The following MYLK4 variants were observed in gnomAD, a reference collection of about 807,000 sequenced individuals.
MYLK4 encodes the protein caMLCK like.
In MYLK4, 46 loss-of-function variants were observed where a neutral mutation model predicts 48.1. The ratio of observed to expected loss-of-function variants is 0.96; its 90% CI spans 0.75 to 1.22. The LOEUF (loss-of-function observed/expected upper bound fraction) is 1.22, where lower values mean the gene tolerates loss of function less well. Among genes scored for constraint, MYLK4 ranks in the 50% most tolerant of loss-of-function variants. MYLK4 has a pLI of 0.00. For missense variants in MYLK4, 451 were observed against 486.1 expected, an observed-to-expected ratio of 0.93 and a Z score of 0.68; for synonymous variants, 170 against 180.8, an observed-to-expected ratio of 0.94 and a Z score of 0.48.
At chr6:2,684,830 C>A (rs1359429840) in intron 6 of MYLK4, among the ~76,000 whole-genome samples, 1 of 152,170 alleles carries the variant, frequency 6.6e-6, no homozygotes, top group Non-Finnish European at 1.5e-5. Context: ...ATCCTGGGAC[C>A]AATCCCTCTC....
intron 2 of MYLK4, among the ~76,000 whole-genome samples, chr6:2,725,099 C>T (rs150593445): frequency 0.033 from 4,955 of 152,134 alleles, 267 homozygotes; most frequent in African/African-American, 0.11. Context: ...GGCAGTGAGC[C>T]GAGATAGCCC....
At chr6:2,706,249 G>C (rs987183639) in intron 2 of MYLK4, among the ~76,000 whole-genome samples, 1 of 152,130 alleles carries the variant, frequency 6.6e-6, no homozygotes, top group Non-Finnish European at 1.5e-5. Flanking sequence ...GGCAACTATA[G>C]ATTAATTTGT....
chr6:2,766,333 G>C, the MYLK4 span: 1 of 1,610,788 alleles, frequency 6.2e-7, no homozygotes, highest in Non-Finnish European at 8.5e-7. Flanking sequence ...ACACGCTGCA[G>C]GATTACTTCG....
chr6:2,737,700 T>C (rs111793328), intron 2 of MYLK4, among the ~76,000 whole-genome samples: 7 of 152,030 alleles, frequency 4.6e-5, no homozygotes, highest in East Asian at 1.9e-4. Flanking sequence ...CTGAGAAACC[T>C]GACAGCATCA....
At chr6:2,670,367 A>AC (rs1193465716) in intron 12 of MYLK4, among the ~76,000 whole-genome samples, 5 of 90,212 alleles carry the variant, frequency 5.5e-5, no homozygotes, top group African/African-American at 9.0e-5. Flanking sequence ...CTCTATCTCA[A>AC]AAAACAAACA....
rs371937683 is a variant in MYLK4, at chr6:2,678,365, C to A, written c.895G>T (p.Gly299Cys). The stretch of plus-strand genomic sequence containing the variant: ...TTGTCACCCAGGAAAGGCGACAAAC[C>A]GCTAAGTCTGGAGGACACGGGGTCC... Reference protein sequence around the residue: ...VGVIAYMLLSGLSPFLGDNDA... With the variant: ...VGVIAYMLLSCLSPFLGDNDA... The change falls in exon 10 of 13, where the codon GGT (glycine) becomes TGT (cysteine). Residue 299 changes from glycine to cysteine, a missense_variant. Transcript: ENST00000274643. The A allele has an allele frequency of 1.9e-6, 3 of 1,613,754 alleles. No homozygotes were observed. The highest frequency in any genetic ancestry group is 2.5e-6 in the Non-Finnish European group (3 of 1,180,004).
chr6:2,763,639 C>G, the MYLK4 span, among the ~76,000 whole-genome samples: 12 of 152,368 alleles, frequency 7.9e-5, no homozygotes, highest in East Asian at 1.5e-3. Flanking sequence ...GGTTCCCGCC[C>G]GCGCCTCTCC....
In MYLK4 at chr6:2,688,924, G is replaced by T. The variant is rs1761669294; in HGVS notation, c.268C>A (p.His90Asn). Residue 90 changes from histidine to asparagine, a missense_variant, in exon 4 of 13, where the codon CAT (histidine) becomes AAT (asparagine). His to Asn is a moderately conservative substitution (Grantham distance 68). Coordinates refer to ENST00000274643, the MANE Select transcript of MYLK4 (RefSeq NM_001012418.5). ...DIPAPPAPFD[H>N]RIVTAKQGAV... The stretch of plus-strand genomic sequence containing the variant: ...CCTTGCTTGGCTGTCACAATACGAT[G>T]ATCAAATGGGGCCGGAGGAGCCGGG... The T allele has an allele frequency of 6.2e-7, 1 of 1,614,096 alleles. No individual in the cohort carries two copies. The highest frequency in any genetic ancestry group is 8.5e-7 in the Non-Finnish European group (1 of 1,180,038).
the MYLK4 span, among the ~76,000 whole-genome samples, chr6:2,760,952 C>G: frequency 7.2e-5 from 11 of 152,196 alleles, no homozygotes; most frequent in African/African-American, 2.2e-4. Flanking sequence ...GATAACCATA[C>G]GACTAACTTT....
chr6:2,767,780 G>A, the MYLK4 span, among the ~76,000 whole-genome samples: 1 of 152,222 alleles, frequency 6.6e-6, no homozygotes, highest in African/African-American at 2.4e-5. Context: ...CAAATGCCAG[G>A]CAAGAGGTTT....
At chr6:2,744,944 A>G (rs558865293) in intron 2 of MYLK4, among the ~76,000 whole-genome samples, 1 of 152,276 alleles carries the variant, frequency 6.6e-6, no homozygotes, top group East Asian at 1.9e-4. Flanking sequence ...CTATGCTGAC[A>G]TATTTTTGTA....
chr6:2,758,302 C>T, the MYLK4 span, among the ~76,000 whole-genome samples: 1 of 151,312 alleles, frequency 6.6e-6, no homozygotes, highest in African/African-American at 2.4e-5. Context: ...AATGAAGTCA[C>T]AGTAATTTAT....
chr6:2,727,904 G>T (rs1444588867), intron 2 of MYLK4, among the ~76,000 whole-genome samples: 1 of 142,830 alleles, frequency 7.0e-6, no homozygotes, highest in East Asian at 2.1e-4. Flanking sequence ...CCGAGATCAC[G>T]CCACTGCGCT....
the MYLK4 span, among the ~76,000 whole-genome samples, chr6:2,762,991 C>G: frequency 6.6e-6 from 1 of 152,196 alleles, no homozygotes; most frequent in Non-Finnish European, 1.5e-5. Flanking sequence ...AAAACACCCA[C>G]ACAAGCAAAA....
chr6:2,733,847 C>T (rs1336896942), intron 2 of MYLK4, among the ~76,000 whole-genome samples: 1 of 152,134 alleles, frequency 6.6e-6, no homozygotes, highest in Non-Finnish European at 1.5e-5. Flanking sequence ...CCCGCGGAGA[C>T]GCTGCTTTGG....
At chr6:2,706,350 C>CTT (rs11340237) in intron 2 of MYLK4, among the ~76,000 whole-genome samples, 2 of 146,288 alleles carry the variant, frequency 1.4e-5, no homozygotes, top group Admixed American at 6.8e-5. Flanking sequence ...TCTAAAGTGA[C>CTT]TTTTTTTTTT....
At chr6:2,706,083 C>T (rs529382590) in intron 2 of MYLK4, among the ~76,000 whole-genome samples, 45 of 152,076 alleles carry the variant, frequency 3.0e-4, no homozygotes, top group Non-Finnish European at 6.3e-4. Context: ...TGATCTTTTC[C>T]CACACTTTCA....
intron 2 of MYLK4, among the ~76,000 whole-genome samples, chr6:2,731,075 A>G (rs1763462246): frequency 6.6e-6 from 1 of 152,204 alleles, no homozygotes; most frequent in South Asian, 2.1e-4. Flanking sequence ...TAAAAGGGGT[A>G]GTCATCAGAA....
At chr6:2,760,294 T>C in the MYLK4 span, among the ~76,000 whole-genome samples, 1 of 152,318 alleles carries the variant, frequency 6.6e-6, no homozygotes, top group African/African-American at 2.4e-5. Context: ...AGGAGACACA[T>C]GGGTGAGGGG....
Sources: allele counts gnomAD v4.1 joint callset (sites outside exome capture counted in the v4.1 genomes callset), GRCh38; gene constraint gnomAD v4.1.1; transcripts MANE v1.5; gene names NCBI Gene and HGNC (gene_info 2026-07-23, HGNC 2026-07-21).